PPP1R14C: variants seen among roughly 807,000 people sequenced by gnomAD.
PPP1R14C encodes the protein protein phosphatase 1 regulatory inhibitor subunit 14C, also known as protein phosphatase 1 regulatory subunit 14C.
In PPP1R14C, 16 loss-of-function variants were observed where a neutral mutation model predicts 20.4. The observed-to-expected ratio is 0.78, with a 90% CI of 0.53 to 1.19. The LOEUF (loss-of-function observed/expected upper bound fraction) is 1.19. Among genes scored for constraint, PPP1R14C ranks in the 50% most tolerant of loss-of-function variants. The pLI is 0.00. For missense variants in PPP1R14C, 211 were observed against 220.1 expected, an observed-to-expected ratio of 0.96 and a Z score of 0.26; for synonymous variants, 91 against 91.0, an observed-to-expected ratio of 1.00 and a Z score of 0.00.
chr6:150,195,002 G>A, intron 1 of PPP1R14C: 1 of 985,088 alleles, frequency 1.0e-6, no homozygotes, highest in Non-Finnish European at 1.2e-6. Context: ...CTTTTGCTTT[G>A]TACTTTACTT....
chr6:150,243,897 A>C (rs886414070), intron 3 of PPP1R14C, among the ~76,000 whole-genome samples: 1 of 152,226 alleles, frequency 6.6e-6, no homozygotes, highest in African/African-American at 2.4e-5. Flanking sequence ...ATAATAGTGC[A>C]GAGTGAAAGA....
At chr6:150,233,013 T>C (rs1778311819) in intron 3 of PPP1R14C, among the ~76,000 whole-genome samples, 1 of 152,214 alleles carries the variant, frequency 6.6e-6, no homozygotes, top group African/African-American at 2.4e-5. Context: ...AGTGAGTTAG[T>C]TCACTTTTGG....
intron 1 of PPP1R14C, among the ~76,000 whole-genome samples, chr6:150,152,545 C>A (rs1777261156): frequency 6.6e-6 from 1 of 152,132 alleles, no homozygotes; most frequent in Non-Finnish European, 1.5e-5. Flanking sequence ...GTCCCTAAGG[C>A]AGCTCAGCAG....
intron 1 of PPP1R14C, among the ~76,000 whole-genome samples, chr6:150,212,946 C>T (rs1778045656): frequency 6.6e-6 from 1 of 152,184 alleles, no homozygotes; most frequent in South Asian, 2.1e-4. Context: ...ATGCTCCTAG[C>T]CATCGAAAGG....
In PPP1R14C at chr6:150,238,963, G is replaced by A. The variant is rs150221523; in HGVS notation, c.424-9783G>A. The stretch of plus-strand genomic sequence containing the variant: ...GGGTTTCCTTCTTTTTTTTTTGGCG[G>A]TCGAGCGTAAGCAGTGTCAGATCCC... On this transcript the variant is annotated intron_variant, in intron 3 of 3. Transcript: ENST00000361131. 1.3e-3 allele frequency among the ~76,000 whole-genome samples: 203 copies of A among 151,682 alleles called. 2 individuals are homozygous for A. The highest frequency in any genetic ancestry group is 3.6e-3 in the African/African-American group (150 of 41,416).
At chr6:150,157,662 A>G (rs551630223) in intron 1 of PPP1R14C, among the ~76,000 whole-genome samples, 4 of 152,040 alleles carry the variant, frequency 2.6e-5, no homozygotes, top group Admixed American at 6.5e-5. Context: ...ATCTCATGCC[A>G]TGTCATAACA....
chr6:150,149,517 C>T (rs1375468709), intron 1 of PPP1R14C, among the ~76,000 whole-genome samples: 6 of 131,094 alleles, frequency 4.6e-5, no homozygotes, highest in East Asian at 2.1e-4. Context: ...AGGCTGGTCT[C>T]GAATTCCTGG....
rs1777132068 is a variant in PPP1R14C at position 150,143,080 on chromosome 6, C to G, written c.-113C>G. On this transcript the variant is annotated 5_prime_UTR_variant, in exon 1 of 4. Transcript: ENST00000361131. The surrounding 1 kb of genome is among the most constrained non-coding windows in gnomAD (Gnocchi z 5.6). ...GCGGCTGGGCGCGCGCGGCGCAGAG[C>G]AGGTGCCGGGGAGCCCTTCGCATGC... 2 of 1,107,992 alleles carry G rather than the reference C, an allele frequency of 1.8e-6. No homozygotes were observed. Among genetic ancestry groups the G allele is most frequent in the African/African-American group, 1.7e-5 (1 of 59,908 alleles). The allele number at this position is 1,107,992 out of a possible 1,614,324, so 68.6% of individuals were successfully genotyped here.
chr6:150,147,708 A>C (rs1777195867), intron 1 of PPP1R14C, among the ~76,000 whole-genome samples: 1 of 152,206 alleles, frequency 6.6e-6, no homozygotes, highest in African/African-American at 2.4e-5. Context: ...AGGCTTGTGT[A>C]CCTTGGGTAC....
chr6:150,200,930 T>C (rs536649359), intron 1 of PPP1R14C, among the ~76,000 whole-genome samples: 1 of 152,244 alleles, frequency 6.6e-6, no homozygotes, highest in African/African-American at 2.4e-5. Flanking sequence ...TGGAGCCGCA[T>C]GTCTGAAGGG....
Position 150,143,504 on chromosome 6 carries a change from TGGGC to T in PPP1R14C, c.306+8_306+11del. The T allele has an allele frequency of 1.2e-6, 1 of 861,406 alleles. No homozygotes were observed. Among genetic ancestry groups the T allele is most frequent in the Middle Eastern group, 2.6e-4 (1 of 3,852 alleles). The allele number at this position is 861,406 out of a possible 1,614,324, so 53.4% of individuals were successfully genotyped here. A position where few individuals can be genotyped will look rare whatever the true frequency, so the allele number is the denominator to read the frequency against. Reference sequence around the variant, plus strand: ...GTCAGCTCTACGGCTGCGAGGTACCTGGGCGCGGGGCTGGGAGGGTCGGGGACCT... The same window carrying T: ...GTCAGCTCTACGGCTGCGAGGTACCTGCGGGGCTGGGAGGGTCGGGGACCT... On this transcript the variant is annotated splice_region_variant and intron_variant, in intron 1 of 3. Coordinates refer to ENST00000361131, the MANE Select transcript of PPP1R14C (RefSeq NM_030949.3). The surrounding 1 kb of genome is among the most constrained non-coding windows in gnomAD (Gnocchi z 5.6).
chr6:150,154,890 T>G (rs559373683), intron 1 of PPP1R14C, among the ~76,000 whole-genome samples: 1 of 152,262 alleles, frequency 6.6e-6, no homozygotes, highest in African/African-American at 2.4e-5. Context: ...ACAGCCACCA[T>G]AGCTGCTTTT....
chr6:150,210,823 T>G (rs1296898555), intron 1 of PPP1R14C, among the ~76,000 whole-genome samples: 1 of 152,146 alleles, frequency 6.6e-6, no homozygotes, highest in East Asian at 1.9e-4. Flanking sequence ...CCATGTTTTC[T>G]CCAGTTTGCT....
intron 3 of PPP1R14C, among the ~76,000 whole-genome samples, chr6:150,243,378 A>C (rs982407227): frequency 6.6e-6 from 1 of 151,994 alleles, no homozygotes; most frequent in African/African-American, 2.4e-5. Flanking sequence ...GGGTTTCACC[A>C]TGTTGTCCAG....
At chr6:150,200,220 C>T (rs1290791447) in intron 1 of PPP1R14C, among the ~76,000 whole-genome samples, 1 of 151,630 alleles carries the variant, frequency 6.6e-6, no homozygotes, top group Non-Finnish European at 1.5e-5. Context: ...ACAACACACA[C>T]ACACACAACA....
chr6:150,228,095 A>G (rs774517087), intron 3 of PPP1R14C, among the ~76,000 whole-genome samples: 14 of 152,192 alleles, frequency 9.2e-5, no homozygotes, highest in Non-Finnish European at 1.6e-4. Flanking sequence ...CACAAGCTCT[A>G]CTTTAGAATA....
intron 3 of PPP1R14C, among the ~76,000 whole-genome samples, chr6:150,237,937 C>T (rs572359074): frequency 3.0e-4 from 46 of 152,238 alleles, no homozygotes; most frequent in South Asian, 8.3e-4. Flanking sequence ...TATTTGTAAG[C>T]CAAACCTTTT....
chr6:150,166,229 CG>C (rs1562259324), intron 1 of PPP1R14C, among the ~76,000 whole-genome samples: 1 of 152,010 alleles, frequency 6.6e-6, no homozygotes, highest in African/African-American at 2.4e-5. Context: ...TACAGGCGCC[CG>C]CTACCACGCC....
intron 1 of PPP1R14C, among the ~76,000 whole-genome samples, chr6:150,174,500 G>C (rs1021875294): frequency 1.3e-5 from 2 of 151,978 alleles, no homozygotes; most frequent in South Asian, 4.2e-4. Context: ...ACAGGCGTGA[G>C]CCACCACGCC....
Sources: allele counts gnomAD v4.1 joint callset (sites outside exome capture counted in the v4.1 genomes callset), GRCh38; gene constraint gnomAD v4.1.1; non-coding constraint Gnocchi (gnomAD v3.1); transcripts MANE v1.5; gene names NCBI Gene and HGNC (gene_info 2026-07-23, HGNC 2026-07-21).